Variants in CCP110 observed in about 807,000 individuals in gnomAD.
CCP110 encodes centriolar coiled-coil protein 110.
A neutral mutation model predicts 105.5 loss-of-function variants in CCP110; 43 were observed. The observed-to-expected ratio is 0.41, with a 90% CI of 0.32 to 0.53. CCP110 has a LOEUF of 0.53. CCP110 is among the 20% of genes least tolerant of loss of function. The pLI, the probability that CCP110 is intolerant of heterozygous loss-of-function variation, is 0.32. For missense variants in CCP110, 1,016 were observed against 1,189.1 expected (o/e 0.85, Z 2.14); for synonymous variants, 353 against 392.1 (o/e 0.90, Z 1.18).
chr16:19,546,122 C>T, intron 11 of CCP110: 1 of 519,908 alleles, frequency 1.9e-6, no homozygotes, highest in Admixed American at 3.6e-5. Flanking sequence ...TAACTGATAG[C>T]TGGTTAATCT....
At chr16:19,534,070 T>C (rs1969968427) in intron 3 of CCP110, among the ~76,000 whole-genome samples, 1 of 152,196 alleles carries the variant, frequency 6.6e-6, no homozygotes, top group South Asian at 2.1e-4. Flanking sequence ...GTGACTCTCA[T>C]GTGACATAGT....
intron 5 of CCP110, among the ~76,000 whole-genome samples, chr16:19,541,574 C>T (rs548971824): frequency 3.3e-5 from 5 of 150,934 alleles, no homozygotes; most frequent in Non-Finnish European, 5.9e-5. Flanking sequence ...TGCAGTGAAC[C>T]GAGATCGTGC....
intron 14 of CCP110, among the ~76,000 whole-genome samples, chr16:19,549,120 A>T (rs1970554165): frequency 6.6e-6 from 1 of 152,152 alleles, no homozygotes; most frequent in Admixed American, 6.5e-5. Flanking sequence ...TAAACTAAAA[A>T]CTGTATTTTA....
intron 10 of CCP110, 64 bp downstream of exon 10, chr16:19,545,274 C>A: frequency 1.1e-6 from 1 of 895,626 alleles, no homozygotes; most frequent in Non-Finnish European, 1.7e-6. Flanking sequence ...TACTAAATGT[C>A]AGTTTTGGTT....
intron 2 of CCP110, among the ~76,000 whole-genome samples, chr16:19,531,734 G>A (rs1365863859): frequency 9.2e-5 from 14 of 152,198 alleles, no homozygotes; most frequent in Non-Finnish European, 1.9e-4. Flanking sequence ...TTGGGAGGCC[G>A]AGGTGGGCAG....
intron 1 of CCP110, among the ~76,000 whole-genome samples, chr16:19,527,382 A>C (rs896738607): frequency 5.3e-5 from 8 of 150,800 alleles, no homozygotes; most frequent in Non-Finnish European, 1.2e-4. Context: ...AAAAAAAAAG[A>C]TATGAGAGTA....
rs571478480 is a variant in CCP110 at position 19,527,860 on chromosome 16, C to T, written c.-15-7C>T. 1.8e-5 allele frequency: 29 copies of T among 1,606,554 alleles called. No individual in the cohort carries two copies. The African/African-American group carries it at 3.6e-4, about 20-fold the overall frequency. The stretch of plus-strand genomic sequence containing the variant: ...TACATTAAAAATAACATTTTTCTCT[C>T]TTGTAGTGTGACTGTGGGAAGATGG... On this transcript the variant is annotated splice_region_variant and splice_polypyrimidine_tract_variant and intron_variant, in intron 1 of 14. Transcript: ENST00000381396.
At chr16:19,536,283 T>C in exon 4 of CCP110, 1 of 1,613,558 alleles carries the variant, frequency 6.2e-7, no homozygotes, top group Non-Finnish European at 8.5e-7. Flanking sequence ...GATGGTCCCT[T>C]CTCAGTAAAT....
chr16:19,536,976 G>A (rs990509431), exon 4 of CCP110: 1 of 1,614,224 alleles, frequency 6.2e-7, no homozygotes, highest in Non-Finnish European at 8.5e-7. Context: ...GCGGGAGTTT[G>A]TTCAAGCAAG....
intron 11 of CCP110, chr16:19,546,149 T>G (rs1213186836): frequency 1.9e-6 from 1 of 525,568 alleles, no homozygotes; most frequent in African/African-American, 1.9e-5. Context: ...CAGTTAATCT[T>G]TATATTCAGT....
rs954097127 is a variant in CCP110 at position 19,544,221 on chromosome 16, T to C, written c.2485-576T>C. Among the ~76,000 whole-genome samples the C allele has an allele frequency of 2.0e-5, 3 of 152,210 alleles. No homozygotes were observed. The South Asian group carries it at 6.2e-4, about 32-fold the overall frequency. On this transcript the variant is annotated intron_variant, in intron 8 of 14. Coordinates refer to ENST00000381396, the Ensembl canonical transcript of CCP110. ...AATAGAAAGAACCTATGTTGAAATA[T>C]TGGGGGCTGGTCCCCCCAATAATCG...
In CCP110 at chr16:19,548,054, C is replaced by A; in HGVS notation, c.2900+40C>A. On this transcript the variant is annotated intron_variant, in intron 13 of 14. Coordinates refer to ENST00000381396, the Ensembl canonical transcript of CCP110. The surrounding 1 kb of genome is among the most constrained non-coding windows in gnomAD (Gnocchi z 4.1). ...CACGGGTATTGAAAACTACGGAAAC[C>A]AAGATTAGATTTGAGAGGGAAAAAT... 1 of 1,348,978 alleles carries A rather than the reference C, an allele frequency of 7.4e-7. No individual in the cohort carries two copies. Among genetic ancestry groups the A allele is most frequent in the Non-Finnish European group, 1.1e-6 (1 of 942,028 alleles). The allele number at this position is 1,348,978 out of a possible 1,614,324, so 83.6% of individuals were successfully genotyped here. A position where few individuals can be genotyped will look rare whatever the true frequency, so the allele number is the denominator to read the frequency against.
chr16:19,534,050 G>A (rs1969967848), intron 3 of CCP110, among the ~76,000 whole-genome samples: 1 of 152,190 alleles, frequency 6.6e-6, no homozygotes, highest in African/African-American at 2.4e-5. Flanking sequence ...AATTGTTAAT[G>A]AGAGTCATAG....
chr16:19,544,342 G>A (rs1424150375), intron 8 of CCP110, among the ~76,000 whole-genome samples: 1 of 152,156 alleles, frequency 6.6e-6, no homozygotes, highest in Non-Finnish European at 1.5e-5. Flanking sequence ...CTTCTGATAA[G>A]TAATAGTTTT....
At chr16:19,544,812 A>T (rs1331195805) in exon 9 of CCP110, 1 of 1,568,004 alleles carries the variant, frequency 6.4e-7, no homozygotes, top group East Asian at 2.2e-5. Flanking sequence ...TATGGAATTC[A>T]TAAGAAGTTT....
At chr16:19,550,404 C>T (rs1055702793) in intron 14 of CCP110, among the ~76,000 whole-genome samples, 1 of 152,156 alleles carries the variant, frequency 6.6e-6, no homozygotes, top group African/African-American at 2.4e-5. Context: ...CCGCCCACCT[C>T]GGCTTCCCAG....
Position 19,548,677 on chromosome 16 carries a change from AGTGGAATAGATT to A in CCP110, c.2986+80_2986+91del. 1.1e-6 allele frequency: 1 copy of A among 871,916 alleles called. No individual in the cohort carries two copies. 54.0% of individuals were successfully genotyped at this position (871,916 alleles called of 1,614,324 possible). A position where few individuals can be genotyped will look rare whatever the true frequency, so the allele number is the denominator to read the frequency against. ...GCTGCCCCATAACTCAGGCCATAGA[AGTGGAATAGATT>A]GTCTTTCCTTGCCACCATAATTTTG... On this transcript the variant is annotated intron_variant, in intron 14 of 14. Transcript: ENST00000381396. The surrounding 1 kb of genome is among the most constrained non-coding windows in gnomAD (Gnocchi z 4.1).
chr16:19,548,551 TAGAC>T lies in CCP110; in HGVS notation c.2941_2944del (p.Gln981SerfsTer99), dbSNP rs1970536589. On this transcript the variant is annotated frameshift_variant, in exon 14 of 15. Transcript: ENST00000381396. LOFTEE classifies it high-confidence loss of function. This position sits in a 1 kb window ranked among gnomAD's most constrained non-coding sequence, Gnocchi z 4.1. ...CATCAGTGAAGGGGGTTGTGCAAAA[TAGAC>T]AGAAGCCTTCACAGAGCAGAGTGCC... 3.2e-6 allele frequency: 5 copies of T among 1,550,066 alleles called. No individual in the cohort carries two copies. Among genetic ancestry groups the T allele is most frequent in the Non-Finnish European group, 4.4e-6 (5 of 1,146,652 alleles).
At chr16:19,535,524 A>C (rs1338195458) in intron 3 of CCP110, among the ~76,000 whole-genome samples, 1 of 152,176 alleles carries the variant, frequency 6.6e-6, no homozygotes, top group Non-Finnish European at 1.5e-5. Context: ...TGCATATATT[A>C]TTATCCTTGG....
Sources: allele counts gnomAD v4.1 joint callset (sites outside exome capture counted in the v4.1 genomes callset), GRCh38; gene constraint gnomAD v4.1.1; non-coding constraint Gnocchi (gnomAD v3.1); transcripts MANE v1.5; gene names NCBI Gene and HGNC (gene_info 2026-07-23, HGNC 2026-07-21).